Variants in TMEM74 observed in about 807,000 individuals in gnomAD.
The protein encoded by TMEM74 is transmembrane protein 74.
A neutral mutation model predicts 18.1 loss-of-function variants in TMEM74; 13 were observed. That is an observed-to-expected ratio of 0.72 (90% CI 0.47 to 1.14). The LOEUF is 1.14. TMEM74 is among the 50% of genes most tolerant of loss of function. TMEM74 has a pLI of 0.00. For synonymous variants in TMEM74, 159 were observed against 146.6 expected, an observed-to-expected ratio of 1.08 and a Z score of -0.61; for missense variants, 372 against 375.9, an observed-to-expected ratio of 0.99 and a Z score of 0.09.
intron 2 of TMEM74, among the ~76,000 whole-genome samples, chr8:108,646,538 A>G (rs915612764): frequency 6.6e-6 from 1 of 152,142 alleles, no homozygotes; most frequent in Admixed American, 6.6e-5. Context: ...ATAGACAAGA[A>G]TATGCCTTTT....
At chr8:108,665,985 C>A (rs1812945412) in intron 1 of TMEM74, among the ~76,000 whole-genome samples, 1 of 152,106 alleles carries the variant, frequency 6.6e-6, no homozygotes, top group Admixed American at 6.6e-5. Context: ...GATTTACTTA[C>A]ATTGCCAAAA....
At chr8:108,688,114 C>T (rs1341220893) in intron 1 of TMEM74, among the ~76,000 whole-genome samples, 2 of 152,110 alleles carry the variant, frequency 1.3e-5, no homozygotes, top group Non-Finnish European at 2.9e-5. Context: ...TATCTTTCTC[C>T]ATCAGTTTAG....
At chr8:108,756,303 G>A (rs183266047) in intron 1 of TMEM74, among the ~76,000 whole-genome samples, 12 of 151,864 alleles carry the variant, frequency 7.9e-5, no homozygotes, top group African/African-American at 1.9e-4. Context: ...ATTTTTGGAC[G>A]CCAACCTGTC....
intron 1 of TMEM74, among the ~76,000 whole-genome samples, chr8:108,672,679 C>G (rs540497769): frequency 6.6e-6 from 1 of 152,314 alleles, no homozygotes; most frequent in South Asian, 2.1e-4. Context: ...GATTTCAAGT[C>G]AAAGGATTAA....
intron 2 of TMEM74, among the ~76,000 whole-genome samples, chr8:108,648,744 A>C (rs1370816670): frequency 6.6e-6 from 1 of 152,126 alleles, no homozygotes; most frequent in Non-Finnish European, 1.5e-5. Flanking sequence ...AAGGCAAGGA[A>C]GTAGATTCCC....
At chr8:108,700,858 A>G (rs1397723252) in intron 1 of TMEM74, among the ~76,000 whole-genome samples, 3 of 152,148 alleles carry the variant, frequency 2.0e-5, no homozygotes, top group African/African-American at 7.2e-5. Context: ...TAAACTCCTG[A>G]GCTAATGGGC....
chr8:108,754,662 GCTA>G (rs1813938691), intron 1 of TMEM74, among the ~76,000 whole-genome samples: 1 of 63,404 alleles, frequency 1.6e-5, no homozygotes, highest in African/African-American at 6.2e-5. Flanking sequence ...TAGGTAGGTA[GCTA>G]GGTAGCTAGG....
chr8:108,642,969 C>A lies in TMEM74; in HGVS notation n.264+12324G>T, dbSNP rs1812681443. 2.6e-5 allele frequency among the ~76,000 whole-genome samples: 4 copies of A among 152,144 alleles called. No homozygotes were observed. In the South Asian group the frequency reaches 8.3e-4, roughly 32 times the overall value. On this transcript the variant is annotated intron_variant and non_coding_transcript_variant, in intron 2 of 3. Transcript: ENST00000518838. The stretch of plus-strand genomic sequence containing the variant: ...CTTAACTCATTCATTTATTGGTGTA[C>A]TCAACAAACATTTATGAGCACTCAC...
chr8:108,737,806 A>T (rs777057510), intron 1 of TMEM74, among the ~76,000 whole-genome samples: 2 of 152,194 alleles, frequency 1.3e-5, no homozygotes, highest in African/African-American at 2.4e-5. Flanking sequence ...TACCACTCAC[A>T]TCCACTTTCT....
intron 1 of TMEM74, among the ~76,000 whole-genome samples, chr8:108,718,471 A>G (rs1282972306): frequency 1.3e-5 from 2 of 152,228 alleles, no homozygotes; most frequent in African/African-American, 4.8e-5. Context: ...TGTTCACAAC[A>G]GCAGAAAGCC....
chr8:108,756,606 GGA>G (rs1223881382), intron 1 of TMEM74, among the ~76,000 whole-genome samples: 78 of 60,230 alleles, frequency 1.3e-3, no homozygotes, highest in African/African-American at 6.3e-3. Flanking sequence ...GAGAAAGGAA[GGA>G]AGGAAGGAAG....
intron 2 of TMEM74, among the ~76,000 whole-genome samples, chr8:108,633,923 G>C (rs1336508527): frequency 6.6e-6 from 1 of 151,990 alleles, no homozygotes; most frequent in Non-Finnish European, 1.5e-5. Flanking sequence ...CAAATGTTTG[G>C]TATTTTATTT....
intron 1 of TMEM74, among the ~76,000 whole-genome samples, chr8:108,735,687 TA>T (rs1813741692): frequency 6.6e-6 from 1 of 152,208 alleles, no homozygotes; most frequent in Non-Finnish European, 1.5e-5. Flanking sequence ...TACAAGTTTG[TA>T]TGTGGACATA....
rs185265449 is a variant in TMEM74, at chr8:108,726,528, G to A, written n.119+60948C>T. Among the ~76,000 whole-genome samples the A allele has an allele frequency of 1.4e-4, 22 of 152,198 alleles. No individual in the cohort carries two copies. The East Asian group carries it at 3.3e-3, about 23-fold the overall frequency. ...AGTTTTATAAGACGTTAATAGGTACGGTGTAACAAATGAGTTTGGTGATCA... is the reference window on the plus strand; with the variant it reads ...AGTTTTATAAGACGTTAATAGGTACAGTGTAACAAATGAGTTTGGTGATCA... On this transcript the variant is annotated intron_variant and non_coding_transcript_variant, in intron 1 of 3. Coordinates refer to the TMEM74 transcript ENST00000518838.
intron 2 of TMEM74, among the ~76,000 whole-genome samples, chr8:108,641,542 G>A (rs1185721489): frequency 1.3e-5 from 2 of 151,990 alleles, no homozygotes; most frequent in African/African-American, 4.8e-5. Flanking sequence ...CACTGTAAGG[G>A]CTCCCACCAT....
chr8:108,712,396 C>T (rs1813483310), intron 1 of TMEM74, among the ~76,000 whole-genome samples: 1 of 152,142 alleles, frequency 6.6e-6, no homozygotes, highest in Non-Finnish European at 1.5e-5. Context: ...TCAGTTGATT[C>T]ATGTATGAAT....
At chr8:108,778,372 A>G (rs1814258313), downstream of TMEM74, among the ~76,000 whole-genome samples, 2 of 152,228 alleles carry the variant, frequency 1.3e-5, no homozygotes, top group Non-Finnish European at 2.9e-5. Context: ...AGGTGGCTGC[A>G]TCAGACTGGG....
chr8:108,675,764 A>G (rs1200757238), intron 1 of TMEM74, among the ~76,000 whole-genome samples: 1 of 152,262 alleles, frequency 6.6e-6, no homozygotes, highest in Non-Finnish European at 1.5e-5. Flanking sequence ...GGAAATGCTG[A>G]GTATGCTTAC....
intron 1 of TMEM74, among the ~76,000 whole-genome samples, chr8:108,708,505 T>C (rs1813440807): frequency 6.6e-6 from 1 of 152,098 alleles, no homozygotes; most frequent in Non-Finnish European, 1.5e-5. Context: ...ACCACCCTTT[T>C]CTCCGCAGCC....
Sources: gnomAD v4.1 joint callset for allele counts (sites outside exome capture counted in the v4.1 genomes callset) on GRCh38, gnomAD v4.1.1 for gene constraint, MANE v1.5 for transcripts, NCBI Gene and HGNC (gene_info 2026-07-23, HGNC 2026-07-21) for gene names.